The following ERAP1 variants were observed in gnomAD, a reference collection of about 807,000 sequenced individuals.
ERAP1 encodes the protein adipocyte-derived leucine aminopeptidase.
ERAP1 carries 86 observed loss-of-function variants against 103.7 expected under a neutral mutation model. The ratio of observed to expected loss-of-function variants is 0.83; its 90% CI spans 0.70 to 0.99. The LOEUF is 0.99. Among genes scored for constraint, ERAP1 ranks in the 50% least tolerant of loss-of-function variants. ERAP1 has a pLI of 0.00. For synonymous variants in ERAP1, 398 were observed against 402.4 expected, an observed-to-expected ratio of 0.99 and a Z score of 0.13; for missense variants, 1,009 against 1,128.4, an observed-to-expected ratio of 0.89 and a Z score of 1.52.
the ERAP1 span, among the ~76,000 whole-genome samples, chr5:96,836,304 C>G: frequency 1.4e-4 from 21 of 151,196 alleles, no homozygotes; most frequent in South Asian, 3.6e-3. Context: ...TGGATTCAAG[C>G]AGTTCTTCTG....
the ERAP1 span, among the ~76,000 whole-genome samples, chr5:96,837,519 G>T: frequency 4.6e-5 from 7 of 152,338 alleles, 1 homozygote; most frequent in South Asian, 1.5e-3. Context: ...CGTGGGACGG[G>T]GAGCGCAGGT....
the ERAP1 span, among the ~76,000 whole-genome samples, chr5:96,853,348 T>G: frequency 1.3e-5 from 2 of 152,146 alleles, no homozygotes; most frequent in Admixed American, 6.5e-5. Context: ...GGATCTAGAC[T>G]ATAGTGGAAA....
rs1025825746 is a variant in ERAP1 at position 96,793,489 on chromosome 5, C to G, written c.1099G>C (p.Glu367Gln). The G allele has an allele frequency of 1.2e-6, 2 of 1,613,712 alleles. No homozygotes were observed. Among genetic ancestry groups the G allele is most frequent in the Admixed American group, 3.3e-5 (2 of 60,012 alleles). The change falls in exon 7 of 19, where the codon GAA becomes CAA. Residue 367 changes from glutamate (E) to glutamine (Q), a missense_variant. Coordinates refer to ENST00000443439, the MANE Select transcript of ERAP1 (RefSeq NM_001040458.3). The stretch of plus-strand genomic sequence containing the variant: ...TTTAGCCAAAGATCATTCCACCATT[C>G]CATAGTGACCAGGTTCCCAAACCAC... ...HQWFGNLVTM[E>Q]WWNDLWLNEG...
the ERAP1 span, among the ~76,000 whole-genome samples, chr5:96,851,968 G>A: frequency 3.9e-5 from 6 of 152,166 alleles, no homozygotes; most frequent in Admixed American, 6.5e-5. Flanking sequence ...GCAGCAAGCC[G>A]TCTGACAGCT....
the ERAP1 span, chr5:96,889,225 A>T: frequency 6.2e-7 from 1 of 1,614,154 alleles, no homozygotes; most frequent in African/African-American, 1.3e-5. Context: ...AATCAAACAC[A>T]TTATGCTTTG....
At chr5:96,825,352 A>G in the ERAP1 span, among the ~76,000 whole-genome samples, 1 of 152,176 alleles carries the variant, frequency 6.6e-6, no homozygotes, top group Non-Finnish European at 1.5e-5. Context: ...AGCACACTTT[A>G]TATGATATAT....
rs1561667248 is a variant in ERAP1, at chr5:96,781,217, G to T, written c.2448-19C>A. On this transcript the variant is annotated intron_variant, in intron 16 of 18. Transcript: ENST00000443439. Reference sequence around the variant, plus strand: ...TAGTAGCCTAGAAGGATTAAGAAAAGAAATGTTAGCAATGAATAGGTGATG... The same window carrying T: ...TAGTAGCCTAGAAGGATTAAGAAAATAAATGTTAGCAATGAATAGGTGATG... 3 of 1,610,108 alleles carry T rather than the reference G, an allele frequency of 1.9e-6. No homozygotes were observed. Among genetic ancestry groups the T allele is most frequent in the Non-Finnish European group, 2.5e-6 (3 of 1,177,492 alleles).
chr5:96,807,722 TCCCTCCTC>T (rs1778807584), intron 1 of ERAP1, 130 bp downstream of exon 1: 4 of 512,108 alleles, frequency 7.8e-6, no homozygotes, highest in Non-Finnish European at 1.0e-5. Context: ...GCGCCCCGTC[TCCCTCCTC>T]CCGTGCCCCG....
exon 20 of ERAP1, chr5:96,762,765 T>G (rs1768441447): frequency 4.0e-6 from 1 of 247,750 alleles, no homozygotes; most frequent in African/African-American, 2.2e-5. Flanking sequence ...TTATTTAACC[T>G]CAAGTTTATT....
the ERAP1 span, chr5:96,912,890 A>G: frequency 2.0e-6 from 2 of 992,908 alleles, no homozygotes; most frequent in Non-Finnish European, 1.5e-6. Context: ...TTAAAGGCAT[A>G]AGATAATTGA....
the ERAP1 span, among the ~76,000 whole-genome samples, chr5:96,921,993 T>C: frequency 6.6e-6 from 1 of 152,212 alleles, no homozygotes; most frequent in Non-Finnish European, 1.5e-5. Context: ...TAAAACTGTA[T>C]TCCGCTTTAA....
chr5:96,856,349 A>AAAAAATATATAT, the ERAP1 span, among the ~76,000 whole-genome samples: 1 of 8,538 alleles, frequency 1.2e-4, no homozygotes, highest in African/African-American at 3.6e-4. Flanking sequence ...AAAAAAAAAA[A>AAAAAATATATAT]ATATATATAT....
chr5:96,846,317 C>A, the ERAP1 span, among the ~76,000 whole-genome samples: 1 of 152,140 alleles, frequency 6.6e-6, no homozygotes, highest in Non-Finnish European at 1.5e-5. Context: ...TCTATTTACT[C>A]TTTCATTCTT....
At chr5:96,886,559 A>G in the ERAP1 span, 1 of 1,090,776 alleles carries the variant, frequency 9.2e-7, no homozygotes, top group Non-Finnish European at 1.2e-6. Flanking sequence ...CCTTCAGAGT[A>G]TGAGGCTTGC....
At chr5:96,887,120 CACACACAT>C in the ERAP1 span, among the ~76,000 whole-genome samples, 8 of 148,644 alleles carry the variant, frequency 5.4e-5, no homozygotes, top group East Asian at 2.0e-4. Flanking sequence ...CACACACACA[CACACACAT>C]ACATATATAC....
At chr5:96,916,260 C>CA in the ERAP1 span, among the ~76,000 whole-genome samples, 4 of 150,202 alleles carry the variant, frequency 2.7e-5, no homozygotes, top group African/African-American at 2.4e-5. Context: ...AAAACAACAG[C>CA]AAAAAAAAGC....
Position 96,785,830 on chromosome 5 carries a change from T to A in ERAP1, c.1901A>T (p.Asn634Ile). ...ATTGTTAATGAGACTCGCCCGATCA[T>A]TACTGCTGACTGCTGTGTGTGTTCC... ...LKGTHTAVSS[N>I]DRASLINNAF... The change falls in exon 13 of 19, where the codon AAT becomes ATT. Residue 634 changes from asparagine to isoleucine, a missense_variant. This residue lies in a region of ERAP1 where 611 missense variants were observed against 651.7 expected (regional missense o/e 0.94). Transcript: ENST00000443439. 1.2e-6 allele frequency: 2 copies of A among 1,614,196 alleles called. No individual in the cohort carries two copies. The highest frequency in any genetic ancestry group is 2.2e-5 in the South Asian group (2 of 91,080).
rs890696375 is a variant in ERAP1 at position 96,775,515 on chromosome 5, AG to A, written c.*880del. On this transcript the variant is annotated 3_prime_UTR_variant, in exon 19 of 19. Transcript: ENST00000443439. Reference sequence around the variant, plus strand: ...GCTTTTTCAGAAGAGATACTGTACCAGTCAGGGAAATAGATGACACTCACTC... The same window carrying A: ...GCTTTTTCAGAAGAGATACTGTACCATCAGGGAAATAGATGACACTCACTC... 1 of 930,436 alleles carries A rather than the reference AG, an allele frequency of 1.1e-6. No individual in the cohort carries two copies. Among genetic ancestry groups the A allele is most frequent in the African/African-American group, 2.4e-5 (1 of 42,212 alleles). The allele number at this position is 930,436 out of a possible 1,614,324, so 57.6% of individuals were successfully genotyped here. A position where few individuals can be genotyped will look rare whatever the true frequency, so the allele number is the denominator to read the frequency against.
At chr5:96,883,890 G>T in the ERAP1 span, 1 of 1,613,616 alleles carries the variant, frequency 6.2e-7, no homozygotes, top group Non-Finnish European at 8.5e-7. Context: ...ATCAAGATAC[G>T]AAGAGAGAGC....
Sources: allele counts gnomAD v4.1 joint callset (sites outside exome capture counted in the v4.1 genomes callset), GRCh38; gene constraint gnomAD v4.1.1; regional missense constraint gnomAD v4.1.1; transcripts MANE v1.5; gene names NCBI Gene and HGNC (gene_info 2026-07-23, HGNC 2026-07-21).